FRK: variants seen among roughly 807,000 people sequenced by gnomAD.
The protein encoded by FRK is tyrosine-protein kinase FRK.
FRK carries 51 observed loss-of-function variants against 56.4 expected under a neutral mutation model. The ratio of observed to expected loss-of-function variants is 0.90; its 90% CI spans 0.72 to 1.14. FRK has a LOEUF of 1.14. Ranked by LOEUF, FRK falls within the 50% of genes most tolerant of loss-of-function variation. FRK has a pLI of 0.00. For missense variants in FRK, 570 were observed against 601.4 expected (o/e 0.95, Z 0.55); for synonymous variants, 245 against 217.9 (o/e 1.12, Z -1.10).
intron 1 of FRK, among the ~76,000 whole-genome samples, chr6:116,031,427 G>A (rs533783466): frequency 2.3e-4 from 35 of 152,254 alleles, no homozygotes; most frequent in Non-Finnish European, 1.2e-4. Flanking sequence ...ATACTTCAGT[G>A]AATTTCAGAG....
intron 1 of FRK, among the ~76,000 whole-genome samples, chr6:116,048,305 A>G (rs954282762): frequency 6.6e-6 from 1 of 152,208 alleles, no homozygotes; most frequent in Non-Finnish European, 1.5e-5. Flanking sequence ...TCTCTGTTTC[A>G]ACCATTCCTT....
chr6:116,044,348 C>T (rs2114797415), intron 1 of FRK, among the ~76,000 whole-genome samples: 1 of 152,308 alleles, frequency 6.6e-6, no homozygotes, highest in Admixed American at 6.5e-5. Flanking sequence ...AAAATACTGG[C>T]AAACTGAATC....
At chr6:115,966,962 A>G (rs1773603693) in intron 4 of FRK, among the ~76,000 whole-genome samples, 2 of 73,072 alleles carry the variant, frequency 2.7e-5, no homozygotes, top group Non-Finnish European at 5.4e-5. Context: ...GCTCAAGATC[A>G]TATGACCAGA....
At chr6:116,071,175 C>A in the FRK span, among the ~76,000 whole-genome samples, 4 of 152,096 alleles carry the variant, frequency 2.6e-5, no homozygotes, top group East Asian at 7.7e-4. Flanking sequence ...AAGCCTATTA[C>A]AAGGCAGTTT....
chr6:116,059,918 A>C, intron 1 of FRK, 50 bp downstream of exon 1: 1 of 1,466,544 alleles, frequency 6.8e-7, no homozygotes, highest in Non-Finnish European at 9.4e-7. Flanking sequence ...AAAACTCATT[A>C]CCCAGCCCTC....
At chr6:116,070,722 C>G in the FRK span, among the ~76,000 whole-genome samples, 1 of 152,138 alleles carries the variant, frequency 6.6e-6, no homozygotes, top group Non-Finnish European at 1.5e-5. Context: ...ACAACAGCAA[C>G]AACAAATGCA....
intron 2 of FRK, among the ~76,000 whole-genome samples, chr6:115,969,025 CATAAAA>C (rs1258577440): frequency 1.3e-5 from 2 of 152,008 alleles, no homozygotes; most frequent in African/African-American, 4.8e-5. Context: ...TAAAACAAGC[CATAAAA>C]TTGACTCTAT....
chr6:116,007,673 G>T (rs931840977), intron 1 of FRK, among the ~76,000 whole-genome samples: 8 of 152,038 alleles, frequency 5.3e-5, no homozygotes, highest in Non-Finnish European at 8.8e-5. Context: ...CCATATAATT[G>T]GTTTCTACCT....
intron 4 of FRK, among the ~76,000 whole-genome samples, chr6:115,958,820 A>AAGAAAG (rs147739302): frequency 1.5e-5 from 2 of 132,602 alleles, no homozygotes; most frequent in African/African-American, 2.9e-5. Context: ...GAAAGAAAGA[A>AAGAAAG]AAAGAAAGAA....
At chr6:115,966,441 A>G (rs915173841) in intron 4 of FRK, among the ~76,000 whole-genome samples, 1 of 152,236 alleles carries the variant, frequency 6.6e-6, no homozygotes, top group Non-Finnish European at 1.5e-5. Flanking sequence ...GTTGACTTCA[A>G]AACTTTTAAG....
At chr6:116,023,086 A>C in intron 1 of FRK, among the ~76,000 whole-genome samples, 1 of 152,234 alleles carries the variant, frequency 6.6e-6, no homozygotes, top group Non-Finnish European at 1.5e-5. Context: ...AAGGAAATGC[A>C]AATTAAAACC....
chr6:115,959,670 T>A (rs1238906562), intron 4 of FRK, among the ~76,000 whole-genome samples: 1 of 152,198 alleles, frequency 6.6e-6, no homozygotes, highest in Non-Finnish European at 1.5e-5. Flanking sequence ...AGCAGCCCCA[T>A]GGAGGCTAAC....
At chr6:116,046,186 G>A (rs540820924) in intron 1 of FRK, among the ~76,000 whole-genome samples, 1 of 152,328 alleles carries the variant, frequency 6.6e-6, no homozygotes, top group South Asian at 2.1e-4. Context: ...GTTGGTGGGA[G>A]TCTACATTAG....
At chr6:116,024,756 T>C (rs1776022059) in intron 1 of FRK, among the ~76,000 whole-genome samples, 1 of 152,146 alleles carries the variant, frequency 6.6e-6, no homozygotes, top group South Asian at 2.1e-4. Context: ...AGCAGCATGA[T>C]TTATAGTCCT....
chr6:116,091,149 G>A, the FRK span, among the ~76,000 whole-genome samples: 1 of 152,154 alleles, frequency 6.6e-6, no homozygotes, highest in Non-Finnish European at 1.5e-5. Flanking sequence ...GAGATTTTTT[G>A]TGTCTAGCTA....
chr6:115,985,882 T>C (rs1376358327), intron 2 of FRK, among the ~76,000 whole-genome samples: 2 of 136,586 alleles, frequency 1.5e-5, no homozygotes, highest in Non-Finnish European at 3.2e-5. Flanking sequence ...AAAGTATCAA[T>C]ACTTTCTCCC....
intron 2 of FRK, among the ~76,000 whole-genome samples, chr6:115,981,121 A>G (rs1450029985): frequency 6.6e-6 from 1 of 152,154 alleles, no homozygotes; most frequent in Non-Finnish European, 1.5e-5. Flanking sequence ...GAACTGCCCA[A>G]CAATAAAATA....
At chr6:116,088,040 C>G in the FRK span, among the ~76,000 whole-genome samples, 1 of 152,210 alleles carries the variant, frequency 6.6e-6, no homozygotes, top group South Asian at 2.1e-4. Flanking sequence ...CACTCAGCCT[C>G]TCCTCCTTCC....
Position 115,967,712 on chromosome 6 carries a change from A to C in FRK, c.638T>G (p.Val213Gly). 1 of 1,600,236 alleles carries C rather than the reference A, an allele frequency of 6.2e-7. No homozygotes were observed. The highest frequency in any genetic ancestry group is 8.5e-7 in the Non-Finnish European group (1 of 1,172,118). The change falls in exon 4 of 8, where the codon GTC (valine) becomes GGC (glycine). Residue 213 changes from valine (V) to glycine (G), a missense_variant. Val to Gly is a moderately radical substitution (Grantham distance 109). Coordinates refer to ENST00000606080, the MANE Select transcript of FRK (RefSeq NM_002031.3). The stretch of plus-strand genomic sequence containing the variant: ...ATACGACAAATCAAATGGAGCTGGG[A>C]CCTGGATCTGTTTCATAGAATAATA... The part of the protein sequence containing the change: ...KLGKPCLKIQ[V>G]PAPFDLSYKT...
Sources: gnomAD v4.1 joint callset for allele counts (sites outside exome capture counted in the v4.1 genomes callset) on GRCh38, gnomAD v4.1.1 for gene constraint, MANE v1.5 for transcripts, NCBI Gene and HGNC (gene_info 2026-07-23, HGNC 2026-07-21) for gene names.